RNGTT: variants seen among roughly 807,000 people sequenced by gnomAD.
RNGTT encodes mRNA-capping enzyme.
RNGTT carries 33 observed loss-of-function variants against 79.3 expected under a neutral mutation model. The observed-to-expected ratio is 0.42, with a 90% CI of 0.32 to 0.56. The LOEUF is 0.56. Ranked by LOEUF, RNGTT falls within the 20% of genes least tolerant of loss-of-function variation. The pLI is 0.17. For synonymous variants in RNGTT, 222 were observed against 235.9 expected (o/e 0.94, Z 0.54); for missense variants, 497 against 739.1 (o/e 0.67, Z 3.80).
intron 11 of RNGTT, among the ~76,000 whole-genome samples, chr6:88,841,051 T>C (rs1008817279): frequency 1.3e-5 from 2 of 152,194 alleles, no homozygotes; most frequent in African/African-American, 4.8e-5. Flanking sequence ...TAGAAAATGT[T>C]CTCATAAGAG....
chr6:88,830,610 A>C (rs1480148883), intron 11 of RNGTT, among the ~76,000 whole-genome samples: 1 of 149,222 alleles, frequency 6.7e-6, no homozygotes, highest in Admixed American at 6.6e-5. Context: ...GAGAGACACA[A>C]AAAAAAAACC....
chr6:88,706,690 A>G (rs1776140172), intron 13 of RNGTT, among the ~76,000 whole-genome samples: 1 of 152,172 alleles, frequency 6.6e-6, no homozygotes, highest in Admixed American at 6.5e-5. Flanking sequence ...ATATCAAGGA[A>G]GCTTAAAATA....
At chr6:88,649,068 GA>G (rs1470511146) in intron 14 of RNGTT, among the ~76,000 whole-genome samples, 1 of 152,090 alleles carries the variant, frequency 6.6e-6, no homozygotes, top group Non-Finnish European at 1.5e-5. Context: ...TGTGGGCAAG[GA>G]AAAAAACTTG....
chr6:88,930,041 C>CATATATACATATACATGTATATGCAT (rs1162190459), intron 2 of RNGTT, among the ~76,000 whole-genome samples: 7 of 145,342 alleles, frequency 4.8e-5, no homozygotes, highest in African/African-American at 1.3e-4. Flanking sequence ...CATATATATG[C>CATATATACATATACATGTATATGCAT]ATATATACAT....
At chr6:88,752,475 A>C (rs568609923) in intron 13 of RNGTT, among the ~76,000 whole-genome samples, 1 of 152,228 alleles carries the variant, frequency 6.6e-6, no homozygotes, top group Admixed American at 6.5e-5. Context: ...ACTATAACAA[A>C]TTGCTAATTT....
At chr6:88,636,391 G>A (rs761153890) in intron 14 of RNGTT, among the ~76,000 whole-genome samples, 1 of 151,948 alleles carries the variant, frequency 6.6e-6, no homozygotes, top group East Asian at 1.9e-4. Flanking sequence ...CTATAAAAAT[G>A]AGCAGATATA....
chr6:88,849,879 T>A, intron 9 of RNGTT, 53 bp from the exon 10 acceptor site: 3 of 1,470,516 alleles, frequency 2.0e-6, no homozygotes, highest in Non-Finnish European at 9.0e-7. Flanking sequence ...CAATTTTTTT[T>A]AATTTAATTG....
intron 14 of RNGTT, among the ~76,000 whole-genome samples, chr6:88,664,776 G>A (rs886219116): frequency 6.6e-6 from 1 of 152,174 alleles, no homozygotes; most frequent in Non-Finnish European, 1.5e-5. Context: ...TTATTGGACC[G>A]AAGGGGACCA....
intron 14 of RNGTT, among the ~76,000 whole-genome samples, chr6:88,657,941 T>C (rs567365367): frequency 8.5e-5 from 13 of 152,216 alleles, no homozygotes; most frequent in African/African-American, 2.4e-4. Context: ...ATCTGCCCAA[T>C]CCTGCCCCAT....
intron 1 of RNGTT, among the ~76,000 whole-genome samples, chr6:88,953,560 T>C (rs538391359): frequency 2.0e-5 from 3 of 152,262 alleles, no homozygotes; most frequent in Admixed American, 2.0e-4. Context: ...GAGGAAATAA[T>C]TGAGGAAAAG....
At position 88,826,140 on chromosome 6, in the gene RNGTT, C is replaced by T. The variant is rs188780870; in HGVS notation, c.1269+18217G>A. Among the ~76,000 whole-genome samples the T allele has an allele frequency of 2.2e-4, 33 of 152,220 alleles. No individual in the cohort carries two copies. In the South Asian group the frequency reaches 6.6e-3, roughly 31 times the overall value. ...CATGTACCACTGGGTAAGAGATTTC[C>T]AAAGGTATGAAAAGAAAAAGGTGGG... On this transcript the variant is annotated intron_variant, in intron 11 of 15. Transcript: ENST00000369485.
At chr6:88,698,125 TAC>T (rs1203306146) in intron 13 of RNGTT, among the ~76,000 whole-genome samples, 2 of 83,394 alleles carry the variant, frequency 2.4e-5, no homozygotes, top group African/African-American at 1.8e-4. Flanking sequence ...ATATATGAAA[TAC>T]ATATATATGA....
intron 9 of RNGTT, among the ~76,000 whole-genome samples, chr6:88,852,381 G>A (rs1258812413): frequency 6.6e-6 from 1 of 151,768 alleles, no homozygotes; most frequent in Admixed American, 6.6e-5. Context: ...TAATTATAAT[G>A]CTAAAAAAAG....
rs1441313512 is a variant in RNGTT, at chr6:88,612,761, G to A, written c.1752C>T (p.Leu584=). The A allele has an allele frequency of 6.2e-7, 1 of 1,613,074 alleles. No individual in the cohort carries two copies. Among genetic ancestry groups the A allele is most frequent in the Non-Finnish European group, 8.5e-7 (1 of 1,179,934 alleles). ...RKHHLDPDTE[L]MPPPPPKRPR... is the part of the protein sequence containing the mutation. ...GTCTTTTGGGAGGTGGTGGTGGCATGAGCTCCGTGTCAGGGTCCAGATGAT... is the reference window on the plus strand; with the variant it reads ...GTCTTTTGGGAGGTGGTGGTGGCATAAGCTCCGTGTCAGGGTCCAGATGAT... Residue 584 remains leucine (L), a synonymous_variant, in exon 16 of 16, where the codon CTC becomes CTT. Coordinates refer to ENST00000369485, the MANE Select transcript of RNGTT (RefSeq NM_003800.5).
chr6:88,835,975 A>AACACACACACACACACACACAC (rs72228554), intron 11 of RNGTT, among the ~76,000 whole-genome samples: 6 of 113,764 alleles, frequency 5.3e-5, no homozygotes, highest in Non-Finnish European at 8.6e-5. Context: ...CTCTATTAAA[A>AACACACACACACACACACACAC]ACACACACAC....
At chr6:88,850,691 T>C (rs1781643366) in intron 9 of RNGTT, among the ~76,000 whole-genome samples, 1 of 151,986 alleles carries the variant, frequency 6.6e-6, no homozygotes, top group Non-Finnish European at 1.5e-5. Flanking sequence ...TAGTTATTTC[T>C]ACTTGAAGAA....
At chr6:88,945,226 G>C (rs1181790853) in intron 1 of RNGTT, among the ~76,000 whole-genome samples, 1 of 152,066 alleles carries the variant, frequency 6.6e-6, no homozygotes, top group African/African-American at 2.4e-5. Flanking sequence ...AGGTCTCAGA[G>C]CCATCTACAC....
Position 88,963,358 on chromosome 6 carries a change from G to A in RNGTT, c.52C>T (p.Gln18Ter). 1 of 1,611,882 alleles carries A rather than the reference G, an allele frequency of 6.2e-7. No individual in the cohort carries two copies. The highest frequency in any genetic ancestry group is 8.5e-7 in the Non-Finnish European group (1 of 1,179,082). Residue 18 changes from glutamine (Q) to a stop codon, truncating the protein, a stop_gained, in exon 1 of 16, where the codon CAG becomes TAG. Coordinates refer to ENST00000369485, the MANE Select transcript of RNGTT (RefSeq NM_003800.5). LOFTEE classifies it high-confidence loss of function. ...PRWLNCPRRGQPVAGRFLPLK... is the reference protein window; with the variant it reads ...PRWLNCPRRG ...CAGTCCAGGTTACCTGCCACCGGCT[G>A]GCCGCGCCGGGGACAGTTCAGCCAC... is the stretch of plus-strand genomic sequence containing the variant.
At chr6:88,946,670 C>T (rs909175117) in intron 1 of RNGTT, among the ~76,000 whole-genome samples, 3 of 152,020 alleles carry the variant, frequency 2.0e-5, no homozygotes, top group African/African-American at 7.2e-5. Context: ...CTCTCCCTCC[C>T]TCTCCCTCTC....
Sources: gnomAD v4.1 joint callset for allele counts (sites outside exome capture counted in the v4.1 genomes callset) on GRCh38, gnomAD v4.1.1 for gene constraint, MANE v1.5 for transcripts, NCBI Gene and HGNC (gene_info 2026-07-23, HGNC 2026-07-21) for gene names.